CENPP: variants seen among roughly 807,000 people sequenced by gnomAD.
The protein encoded by CENPP is centromere protein P.
Under a neutral mutation model 35.6 loss-of-function variants are expected in CENPP, and 24 were observed. That is an observed-to-expected ratio of 0.67 (90% CI 0.49 to 0.95). The LOEUF is 0.95. Among genes scored for constraint, CENPP ranks in the 40% least tolerant of loss-of-function variants. The pLI is 0.00. For synonymous variants in CENPP, 120 were observed against 125.5 expected (o/e 0.96, Z 0.29); for missense variants, 332 against 345.3 (o/e 0.96, Z 0.31).
At position 92,540,896 on chromosome 9, in the gene CENPP, T is replaced by C. The variant is rs959253214; in HGVS notation, c.565-70418T>C. On this transcript the variant is annotated intron_variant, in intron 5 of 7. Transcript: ENST00000375587. ...CTAAAAATATTAAAGAGCAAAAATATCGATAAAGTAAAAAACAAATATGAA... is the reference window on the plus strand; with the variant it reads ...CTAAAAATATTAAAGAGCAAAAATACCGATAAAGTAAAAAACAAATATGAA... 2.6e-4 allele frequency among the ~76,000 whole-genome samples: 40 copies of C among 152,064 alleles called. 1 individual carries two copies. Among genetic ancestry groups the C allele is most frequent in the Non-Finnish European group, 7.4e-5 (5 of 68,022 alleles).
At chr9:92,389,392 C>A (rs1362335612) in intron 5 of CENPP, among the ~76,000 whole-genome samples, 1 of 152,124 alleles carries the variant, frequency 6.6e-6, no homozygotes, top group Non-Finnish European at 1.5e-5. Context: ...AAAGGAAAAT[C>A]TCCCTATAGA....
In CENPP at chr9:92,544,132, T is replaced by C. The variant is rs990356531; in HGVS notation, c.565-67182T>C. On this transcript the variant is annotated intron_variant, in intron 5 of 7. Transcript: ENST00000375587. The stretch of plus-strand genomic sequence containing the variant: ...ATTCCTGATCTTAGAAGAAATGCTT[T>C]CAGCTTTTCATCGTTAAGCATGACA... Among the ~76,000 whole-genome samples, 5 of 152,170 alleles carry C rather than the reference T, an allele frequency of 3.3e-5. No homozygotes were observed. In the East Asian group the frequency reaches 9.6e-4, roughly 29 times the overall value.
At chr9:92,449,223 C>T (rs1463875440) in intron 5 of CENPP, among the ~76,000 whole-genome samples, 1 of 151,662 alleles carries the variant, frequency 6.6e-6, no homozygotes, top group Non-Finnish European at 1.5e-5. Context: ...CGGGCGGACA[C>T]GAGGTCAGGA....
chr9:92,501,317 ATATCCC>A (rs988497368), intron 5 of CENPP, among the ~76,000 whole-genome samples: 3 of 152,152 alleles, frequency 2.0e-5, no homozygotes, highest in Non-Finnish European at 4.4e-5. Context: ...GGAAAAACTC[ATATCCC>A]TAGAGGCAAT....
intron 5 of CENPP, among the ~76,000 whole-genome samples, chr9:92,577,561 G>A (rs1394456713): frequency 6.6e-6 from 1 of 152,072 alleles, no homozygotes; most frequent in Non-Finnish European, 1.5e-5. Context: ...TATACATGAA[G>A]TTTAGAAACA....
At chr9:92,425,093 T>G (rs1843928174) in intron 5 of CENPP, among the ~76,000 whole-genome samples, 1 of 152,234 alleles carries the variant, frequency 6.6e-6, no homozygotes. Flanking sequence ...TTGTTTATTT[T>G]TAAAATGCAC....
chr9:92,406,691 A>G (rs763168414), intron 5 of CENPP, among the ~76,000 whole-genome samples: 2 of 152,166 alleles, frequency 1.3e-5, no homozygotes, highest in Non-Finnish European at 2.9e-5. Flanking sequence ...TTCTAAGCCC[A>G]TGTGGTTGTT....
At chr9:92,371,889 G>A (rs1398084426) in intron 4 of CENPP, among the ~76,000 whole-genome samples, 7 of 141,564 alleles carry the variant, frequency 4.9e-5, no homozygotes, top group East Asian at 4.2e-4. Context: ...TTTTTGAGAC[G>A]GAGTCTCTCT....
chr9:92,561,679 T>C (rs1180955045), intron 5 of CENPP, among the ~76,000 whole-genome samples: 2 of 152,254 alleles, frequency 1.3e-5, no homozygotes, highest in African/African-American at 2.4e-5. Context: ...AGTAGTTTTG[T>C]AGAGTTTCAA....
chr9:92,360,523 T>C (rs1236333794), intron 4 of CENPP, among the ~76,000 whole-genome samples: 3 of 152,168 alleles, frequency 2.0e-5, no homozygotes, highest in Non-Finnish European at 4.4e-5. Context: ...GCTGTGATTA[T>C]GCTATTGCAC....
chr9:92,458,084 A>T (rs1844951994), intron 5 of CENPP, among the ~76,000 whole-genome samples: 1 of 152,230 alleles, frequency 6.6e-6, no homozygotes, highest in Non-Finnish European at 1.5e-5. Context: ...CAGAATTGTA[A>T]TATAGCATCA....
At position 92,602,774 on chromosome 9, in the gene CENPP, G is replaced by A. The variant is rs566747686; in HGVS notation, c.565-8540G>A. ...GAGGTGACAGGCGGTGTGAACAGGC[G>A]GCAGCTTCTCATTCTCCTCGTATAC... On this transcript the variant is annotated intron_variant, in intron 5 of 7. Transcript: ENST00000375587. Among the ~76,000 whole-genome samples the A allele has an allele frequency of 2.6e-5, 4 of 152,104 alleles. No homozygotes were observed. In the East Asian group the frequency reaches 7.7e-4, roughly 29 times the overall value.
At chr9:92,528,543 G>A (rs1848552065) in intron 5 of CENPP, among the ~76,000 whole-genome samples, 1 of 123,038 alleles carries the variant, frequency 8.1e-6, no homozygotes, top group Non-Finnish European at 1.6e-5. Flanking sequence ...GGACAAAGGG[G>A]AAAACAAAGC....
At chr9:92,411,741 T>G (rs1023509915) in intron 5 of CENPP, among the ~76,000 whole-genome samples, 14 of 152,252 alleles carry the variant, frequency 9.2e-5, no homozygotes, top group Non-Finnish European at 1.9e-4. Context: ...TCTCTTAAAC[T>G]GTGCAAGAAG....
rs1851548345 is a variant in CENPP, at chr9:92,619,328, G to A, written c.*6179G>A. The A allele has an allele frequency of 4.9e-6, 3 of 613,534 alleles. No individual in the cohort carries two copies. The highest frequency in any genetic ancestry group is 3.8e-5 in the South Asian group (2 of 52,032). 38.0% of individuals were successfully genotyped at this position (613,534 alleles called of 1,614,324 possible). A position where few individuals can be genotyped will look rare whatever the true frequency, so the allele number is the denominator to read the frequency against. ...AATTACAAGCTTCTAGAGGGCGAGA[G>A]TTAGTAAGCCCCATGATGTCACATA... On this transcript the variant is annotated 3_prime_UTR_variant, in exon 8 of 8. Coordinates refer to ENST00000375587, the MANE Select transcript of CENPP (RefSeq NM_001012267.3).
chr9:92,377,547 T>C (rs1430805412), intron 4 of CENPP, among the ~76,000 whole-genome samples: 1 of 152,202 alleles, frequency 6.6e-6, no homozygotes, highest in Non-Finnish European at 1.5e-5. Context: ...GCTCTTAGCC[T>C]TTTTCAGTTG....
rs190919169 is a variant in CENPP at position 92,530,616 on chromosome 9, A to C, written c.565-80698A>C. Reference sequence around the variant, plus strand: ...GTCGTTATATCTTTCTGGTGCATTTATCATTAGGTGGATACTTTCAGTGTC... The same window carrying C: ...GTCGTTATATCTTTCTGGTGCATTTCTCATTAGGTGGATACTTTCAGTGTC... On this transcript the variant is annotated intron_variant, in intron 5 of 7. Transcript: ENST00000375587. Among the ~76,000 whole-genome samples the C allele has an allele frequency of 7.9e-4, 121 of 152,244 alleles. 1 individual carries two copies. The highest frequency in any genetic ancestry group is 2.8e-3 in the African/African-American group (116 of 41,542).
At chr9:92,366,173 G>A (rs1439092424) in intron 4 of CENPP, among the ~76,000 whole-genome samples, 8 of 108,564 alleles carry the variant, frequency 7.4e-5, no homozygotes, top group Admixed American at 3.6e-4. Context: ...GTAAGACTCC[G>A]TCTCAAAAAA....
chr9:92,478,947 G>A (rs148934175), intron 5 of CENPP, among the ~76,000 whole-genome samples: 16 of 152,232 alleles, frequency 1.1e-4, no homozygotes, highest in African/African-American at 3.9e-4. Context: ...AACACATCGT[G>A]GTGTTCCTTG....
Sources: gnomAD v4.1 joint callset for allele counts (sites outside exome capture counted in the v4.1 genomes callset) on GRCh38, gnomAD v4.1.1 for gene constraint, MANE v1.5 for transcripts, NCBI Gene and HGNC (gene_info 2026-07-23, HGNC 2026-07-21) for gene names.